ADAM12: variants seen among roughly 807,000 people sequenced by gnomAD.
ADAM12 encodes disintegrin and metalloproteinase domain-containing protein 12.
In ADAM12, 70 loss-of-function variants were observed where a neutral mutation model predicts 106.4. The observed-to-expected ratio is 0.66, with a 90% CI of 0.54 to 0.80. The LOEUF is 0.80. Among genes scored for constraint, ADAM12 ranks in the 30% least tolerant of loss-of-function variants. ADAM12 has a pLI of 0.00. For synonymous variants in ADAM12, 420 were observed against 433.5 expected, an observed-to-expected ratio of 0.97 and a Z score of 0.39; for missense variants, 1,010 against 1,171.9, an observed-to-expected ratio of 0.86 and a Z score of 2.02.
chr10:126,106,557 C>T (rs1955773733), intron 8 of ADAM12, among the ~76,000 whole-genome samples: 2 of 149,222 alleles, frequency 1.3e-5, no homozygotes, highest in Admixed American at 1.3e-4. Context: ...GTGATCTCGG[C>T]TCACTGCAAC....
At chr10:126,258,613 G>T (rs1034231801) in intron 3 of ADAM12, among the ~76,000 whole-genome samples, 14 of 152,058 alleles carry the variant, frequency 9.2e-5, no homozygotes, top group Non-Finnish European at 8.8e-5. Context: ...TAGCCCCTTG[G>T]TCTCCCTTTT....
chr10:126,386,990 A>G (rs564670159), intron 1 of ADAM12, among the ~76,000 whole-genome samples: 1 of 152,242 alleles, frequency 6.6e-6, no homozygotes, highest in African/African-American at 2.4e-5. Context: ...TTTTAGCCAC[A>G]TTACAGTAGA....
chr10:126,275,703 C>A (rs1189722358), intron 3 of ADAM12, among the ~76,000 whole-genome samples: 1 of 152,146 alleles, frequency 6.6e-6, no homozygotes, highest in African/African-American at 2.4e-5. Flanking sequence ...AGAGGCCTTC[C>A]AGAGGCCTCT....
chr10:126,161,859 T>G (rs1185498656), intron 3 of ADAM12, among the ~76,000 whole-genome samples: 1 of 152,168 alleles, frequency 6.6e-6, no homozygotes, highest in South Asian at 2.1e-4. Context: ...AGATGGACTA[T>G]CTTACGTCAG....
intron 2 of ADAM12, among the ~76,000 whole-genome samples, chr10:126,311,425 G>A (rs191159882): frequency 6.6e-6 from 1 of 152,122 alleles, no homozygotes; most frequent in Non-Finnish European, 1.5e-5. Context: ...TAAGGAACAT[G>A]TATCTGGTCT....
intron 11 of ADAM12, among the ~76,000 whole-genome samples, chr10:126,080,151 T>C (rs1458978016): frequency 6.6e-6 from 1 of 152,188 alleles, no homozygotes; most frequent in Non-Finnish European, 1.5e-5. Context: ...GTATGGTACA[T>C]GGTCATTGTG....
chr10:126,378,833 C>T (rs1456143829), intron 1 of ADAM12, among the ~76,000 whole-genome samples: 1 of 152,086 alleles, frequency 6.6e-6, no homozygotes, highest in African/African-American at 2.4e-5. Flanking sequence ...ATGATGGGGC[C>T]AGATTTCTTT....
chr10:126,025,229 A>AGGT (rs1344428818), intron 21 of ADAM12, among the ~76,000 whole-genome samples: 1 of 152,212 alleles, frequency 6.6e-6, no homozygotes, highest in Non-Finnish European at 1.5e-5. Context: ...AGGCTTGAGA[A>AGGT]GGTGGGTAAT....
intron 3 of ADAM12, among the ~76,000 whole-genome samples, chr10:126,242,684 G>A (rs1261294364): frequency 6.6e-6 from 1 of 152,180 alleles, no homozygotes; most frequent in Non-Finnish European, 1.5e-5. Context: ...AGGTACGGAA[G>A]TGCTCTCTCT....
intron 11 of ADAM12, among the ~76,000 whole-genome samples, chr10:126,085,032 G>A (rs1200289653): frequency 6.6e-6 from 1 of 152,212 alleles, no homozygotes; most frequent in East Asian, 1.9e-4. Context: ...GCTCACAACT[G>A]CTTTTAGATT....
chr10:126,338,539 A>G (rs1854800713), intron 1 of ADAM12, among the ~76,000 whole-genome samples: 1 of 152,116 alleles, frequency 6.6e-6, no homozygotes, highest in Non-Finnish European at 1.5e-5. Context: ...GGCGTGAGCC[A>G]CCGCGCCCGG....
chr10:126,124,015 C>T (rs184265686), intron 5 of ADAM12, among the ~76,000 whole-genome samples: 33 of 152,146 alleles, frequency 2.2e-4, no homozygotes, highest in Middle Eastern at 6.8e-3. Flanking sequence ...AGTTTTTGTC[C>T]TTCTGAAAAT....
chr10:126,253,760 G>A (rs11812403), intron 3 of ADAM12, among the ~76,000 whole-genome samples: 2,087 of 152,298 alleles, frequency 0.014, 32 homozygotes, highest in African/African-American at 0.042. Flanking sequence ...GGCTTGTAGG[G>A]ACCAGGGCAG....
chr10:126,287,586 C>CTCTGGCG (rs1448322788), intron 2 of ADAM12, among the ~76,000 whole-genome samples: 1 of 151,994 alleles, frequency 6.6e-6, no homozygotes, highest in Non-Finnish European at 1.5e-5. Flanking sequence ...GCTGTGAAGG[C>CTCTGGCG]TCTGGCGTCT....
At chr10:126,181,158 G>A (rs11815294) in intron 3 of ADAM12, among the ~76,000 whole-genome samples, 5,502 of 149,812 alleles carry the variant, frequency 0.037, 328 homozygotes, top group African/African-American at 0.13. Flanking sequence ...TGCAACCTCC[G>A]CCTCCTGGGT....
chr10:126,216,897 T>C (rs556881724), intron 3 of ADAM12, among the ~76,000 whole-genome samples: 42 of 152,350 alleles, frequency 2.8e-4, no homozygotes, highest in Middle Eastern at 6.8e-3. Context: ...ATGCACACCC[T>C]GAATCTTCAG....
At chr10:126,203,217 C>G (rs1045901222) in intron 3 of ADAM12, among the ~76,000 whole-genome samples, 4 of 152,158 alleles carry the variant, frequency 2.6e-5, no homozygotes, top group African/African-American at 9.7e-5. Flanking sequence ...TTTATTTAAT[C>G]TATAGGGATT....
intron 3 of ADAM12, among the ~76,000 whole-genome samples, chr10:126,155,722 A>C (rs1440573955): frequency 1.3e-5 from 2 of 152,206 alleles, no homozygotes; most frequent in African/African-American, 4.8e-5. Context: ...ACTGGAATCA[A>C]TGGTTGAACC....
chr10:126,306,562 T>A (rs931245607), intron 2 of ADAM12, among the ~76,000 whole-genome samples: 6 of 152,170 alleles, frequency 3.9e-5, no homozygotes, highest in South Asian at 4.1e-4. Flanking sequence ...TTTGATTCTG[T>A]TAGAGACGAA....
Sources: gnomAD v4.1 joint callset for allele counts (sites outside exome capture counted in the v4.1 genomes callset) on GRCh38, gnomAD v4.1.1 for gene constraint, MANE v1.5 for transcripts, NCBI Gene and HGNC (gene_info 2026-07-23, HGNC 2026-07-21) for gene names.